THOC2: variants seen among roughly 807,000 people sequenced by gnomAD.
THOC2 encodes the protein THO complex 2.
In THOC2, 10 loss-of-function variants were observed where a neutral mutation model predicts 128.4. That is an observed-to-expected ratio of 0.08 (90% CI 0.05 to 0.13). THOC2 has a LOEUF of 0.13. Ranked by LOEUF, THOC2 falls within the 10% of genes least tolerant of loss-of-function variation. The pLI, the probability that THOC2 is intolerant of heterozygous loss-of-function variation, is 1.00. For missense variants in THOC2, 535 were observed against 1,155.7 expected (o/e 0.46, Z 7.79); for synonymous variants, 393 against 396.9 (o/e 0.99, Z 0.12).
chrX:123,624,243 A>C lies in THOC2; in HGVS notation c.3187-52T>G. The C allele has an allele frequency of 2.8e-6, 3 of 1,085,500 alleles. 1 individual carries two copies. In the African/African-American group the frequency reaches 5.6e-5, roughly 20 times the overall value. 89.5% of individuals were successfully genotyped at this position (1,085,500 alleles called of 1,213,427 possible). A position where few individuals can be genotyped will look rare whatever the true frequency, so the allele number is the denominator to read the frequency against. On this transcript the variant is annotated intron_variant, in intron 26 of 38. Transcript: ENST00000245838. Reference sequence around the variant, plus strand: ...AAAGAAAAATTATGATCCACAAAATAGCAGAAATTGAAACTTAAGTAGACT... The same window carrying C: ...AAAGAAAAATTATGATCCACAAAATCGCAGAAATTGAAACTTAAGTAGACT...
intron 4 of THOC2, among the ~76,000 whole-genome samples, chrX:123,700,353 T>A (rs1344893591): frequency 1.9e-5 from 2 of 106,261 alleles, no homozygotes; most frequent in Non-Finnish European, 3.9e-5. Flanking sequence ...ATACAAAAAT[T>A]AGCTAGGCGT....
chrX:123,643,700 A>G (rs2048017867), intron 15 of THOC2, among the ~76,000 whole-genome samples: 2 of 107,604 alleles, frequency 1.9e-5, no homozygotes, highest in African/African-American at 6.7e-5. Flanking sequence ...CTATTATACT[A>G]GGTTGTTTCA....
intron 22 of THOC2, among the ~76,000 whole-genome samples, chrX:123,629,949 G>A (rs935475312): frequency 8.9e-6 from 1 of 111,818 alleles, no homozygotes; most frequent in Non-Finnish European, 1.9e-5. Flanking sequence ...TGTGTCTCAA[G>A]GTGGACCACA....
chrX:123,683,689 C>T (rs930383643), intron 8 of THOC2, among the ~76,000 whole-genome samples: 2 of 109,622 alleles, frequency 1.8e-5, no homozygotes, highest in East Asian at 5.7e-4. Flanking sequence ...ACCTCCACAC[C>T]TCCTGGGTTC....
intron 33 of THOC2, among the ~76,000 whole-genome samples, chrX:123,615,239 T>C (rs1397364080): frequency 9.0e-6 from 1 of 111,482 alleles, no homozygotes; most frequent in Non-Finnish European, 1.9e-5. Context: ...TATTTTTACA[T>C]GAAGAAATCC....
chrX:123,691,876 G>A (rs1196054478), intron 7 of THOC2, among the ~76,000 whole-genome samples: 1 of 112,376 alleles, frequency 8.9e-6, no homozygotes, highest in Non-Finnish European at 1.9e-5. Context: ...AATCCATTTA[G>A]CGGTCTGTTT....
At chrX:123,666,515 G>A (rs1377667429) in intron 11 of THOC2, among the ~76,000 whole-genome samples, 2 of 111,566 alleles carry the variant, frequency 1.8e-5, no homozygotes, top group East Asian at 5.6e-4. Context: ...TCACAAGGCT[G>A]AGGCTTTTGA....
intron 7 of THOC2, among the ~76,000 whole-genome samples, chrX:123,693,310 C>CA (rs1392783164): frequency 5.4e-4 from 60 of 111,078 alleles, no homozygotes; most frequent in African/African-American, 1.9e-3. Flanking sequence ...AACACACACA[C>CA]AAAAAAATAG....
At chrX:123,602,051 T>C (rs2046302593) in intron 38 of THOC2, 1 of 112,898 alleles carries the variant, frequency 8.9e-6, no homozygotes, top group African/African-American at 3.2e-5. Context: ...TATTACAACA[T>C]GTGGCAAATA....
intron 2 of THOC2, among the ~76,000 whole-genome samples, chrX:123,710,773 T>C (rs1046894435): frequency 2.8e-5 from 3 of 108,827 alleles, no homozygotes; most frequent in Non-Finnish European, 5.7e-5. Flanking sequence ...GCGAATCGCC[T>C]GAGGTCAGGA....
chrX:123,725,616 CAAAA>C (rs56708326), intron 1 of THOC2, among the ~76,000 whole-genome samples: 1 of 32,757 alleles, frequency 3.1e-5, no homozygotes, highest in African/African-American at 1.2e-4. Context: ...GACCCTATCT[CAAAA>C]AAAAAAAAAA....
At chrX:123,731,248 G>A (rs745933624) in intron 1 of THOC2, among the ~76,000 whole-genome samples, 7 of 111,613 alleles carry the variant, frequency 6.3e-5, no homozygotes, top group Middle Eastern at 4.7e-3. Flanking sequence ...AGTTAAAAAC[G>A]AAGATTTATC....
At chrX:123,713,140 AAG>A (rs1195394405) in intron 1 of THOC2, among the ~76,000 whole-genome samples, 1 of 112,247 alleles carries the variant, frequency 8.9e-6, no homozygotes, top group African/African-American at 3.2e-5. Context: ...TAATTAATAA[AAG>A]AATCTAGGCA....
Position 123,606,521 on chromosome X carries a change from G to C in THOC2, c.*18+4397C>G, listed in dbSNP as rs1382892450. Among the ~76,000 whole-genome samples the C allele has an allele frequency of 4.5e-5, 5 of 111,199 alleles. No homozygotes were observed. In the South Asian group the frequency reaches 1.2e-3, roughly 26 times the overall value. On this transcript the variant is annotated intron_variant, in intron 38 of 38. Coordinates refer to ENST00000245838, the MANE Select transcript of THOC2 (RefSeq NM_001081550.2). ...AGGCATGAGAATCGCTTGAACCCAGGGGGTAGAGGTTGCAGTGAGCCAAGA... is the reference window on the plus strand; with the variant it reads ...AGGCATGAGAATCGCTTGAACCCAGCGGGTAGAGGTTGCAGTGAGCCAAGA...
chrX:123,609,730 G>A (rs1333706029), intron 38 of THOC2, among the ~76,000 whole-genome samples: 2 of 111,439 alleles, frequency 1.8e-5, no homozygotes, highest in Non-Finnish European at 3.8e-5. Context: ...AAGAAAACGG[G>A]CTATAAAAAA....
chrX:123,682,571 C>T (rs779272316), intron 8 of THOC2, among the ~76,000 whole-genome samples: 27 of 112,037 alleles, frequency 2.4e-4, no homozygotes, highest in Non-Finnish European at 4.9e-4. Flanking sequence ...CATGTCTTTG[C>T]TTAAATCTCA....
intron 33 of THOC2, among the ~76,000 whole-genome samples, chrX:123,618,804 G>T (rs2046984229): frequency 9.0e-6 from 1 of 111,707 alleles, no homozygotes; most frequent in East Asian, 2.8e-4. Flanking sequence ...TAATAGGTAA[G>T]AATTAATACT....
intron 38 of THOC2, chrX:123,604,010 T>G (rs140608935): frequency 8.8e-6 from 1 of 114,064 alleles, no homozygotes; most frequent in African/African-American, 3.2e-5. Flanking sequence ...TTATTAACAT[T>G]TATACCACAT....
At chrX:123,694,983 T>C (rs769257615) in intron 7 of THOC2, among the ~76,000 whole-genome samples, 1 of 111,987 alleles carries the variant, frequency 8.9e-6, no homozygotes, top group Non-Finnish European at 1.9e-5. Context: ...AACAAAAATT[T>C]AAAAAATAAA....
Sources: gnomAD v4.1 joint callset for allele counts (sites outside exome capture counted in the v4.1 genomes callset) on GRCh38, gnomAD v4.1.1 for gene constraint, MANE v1.5 for transcripts, NCBI Gene and HGNC (gene_info 2026-07-23, HGNC 2026-07-21) for gene names.